Variants in XKR9 observed in about 807,000 individuals in gnomAD.
XKR9 encodes XK-related protein 9.
In XKR9, 32 loss-of-function variants were observed where a neutral mutation model predicts 32.0. That is an observed-to-expected ratio of 1.00 (90% confidence interval 0.76 to 1.34). The LOEUF (loss-of-function observed/expected upper bound fraction) is 1.34. Ranked by LOEUF, XKR9 falls within the 40% of genes most tolerant of loss-of-function variation. XKR9 has a pLI of 0.00. For synonymous variants in XKR9, 168 were observed against 143.4 expected, an observed-to-expected ratio of 1.17 and a Z score of -1.22; for missense variants, 546 against 429.7, an observed-to-expected ratio of 1.27 and a Z score of -2.39.
At chr8:70,803,560 C>T in the XKR9 span, among the ~76,000 whole-genome samples, 4 of 152,124 alleles carry the variant, frequency 2.6e-5, no homozygotes, top group South Asian at 2.1e-4. Flanking sequence ...ATTTCTCATC[C>T]GTGTGGGCTG....
intron 3 of XKR9, among the ~76,000 whole-genome samples, chr8:70,687,041 A>G (rs1819305321): frequency 6.6e-6 from 1 of 152,130 alleles, no homozygotes; most frequent in African/African-American, 2.4e-5. Context: ...ATGTTATCAA[A>G]TGCTAGAGCC....
the XKR9 span, among the ~76,000 whole-genome samples, chr8:71,064,440 A>C: frequency 6.6e-6 from 1 of 152,176 alleles, no homozygotes; most frequent in Non-Finnish European, 1.5e-5. Context: ...AATTTATATC[A>C]TTGTCAACAG....
chr8:71,044,145 T>C, the XKR9 span, among the ~76,000 whole-genome samples: 1 of 152,348 alleles, frequency 6.6e-6, no homozygotes, highest in Non-Finnish European at 1.5e-5. Flanking sequence ...AGGGGTAATT[T>C]ATTTGAAATC....
intron 3 of XKR9, among the ~76,000 whole-genome samples, chr8:70,703,800 A>G (rs554690625): frequency 2.4e-4 from 36 of 152,310 alleles, no homozygotes; most frequent in African/African-American, 8.4e-4. Flanking sequence ...AAATAAAAGA[A>G]GATATAGGGA....
the XKR9 span, among the ~76,000 whole-genome samples, chr8:71,000,806 T>C: frequency 6.6e-6 from 1 of 152,348 alleles, no homozygotes; most frequent in Non-Finnish European, 1.5e-5. Context: ...CGCAAGAAGA[T>C]GAGCCCTTGG....
chr8:70,860,972 T>C, the XKR9 span, among the ~76,000 whole-genome samples: 1 of 152,196 alleles, frequency 6.6e-6, no homozygotes, highest in Admixed American at 6.6e-5. Flanking sequence ...GTTACGCTTA[T>C]TATTACAAAA....
At chr8:70,706,864 T>C in intron 3 of XKR9, 69 bp from the exon 4 acceptor site, 2 of 1,265,298 alleles carry the variant, frequency 1.6e-6, no homozygotes, top group Non-Finnish European at 2.2e-6. Context: ...TTCCAAATTA[T>C]TATGTGTATT....
chr8:70,949,211 A>G, the XKR9 span, among the ~76,000 whole-genome samples: 3 of 152,150 alleles, frequency 2.0e-5, no homozygotes, highest in Non-Finnish European at 4.4e-5. Flanking sequence ...TTTTTAATGT[A>G]TTTTCATGCA....
chr8:70,754,562 C>G (rs1210802839), intron 2 of XKR9, among the ~76,000 whole-genome samples: 2 of 146,840 alleles, frequency 1.4e-5, no homozygotes, highest in Non-Finnish European at 3.0e-5. Context: ...GGTACCAAAA[C>G]AGATATAGAT....
chr8:71,019,818 T>G, the XKR9 span, among the ~76,000 whole-genome samples: 2 of 152,330 alleles, frequency 1.3e-5, no homozygotes, highest in Admixed American at 1.3e-4. Context: ...CTAAGTACTT[T>G]ACCTCCAGGG....
chr8:70,888,205 G>T, the XKR9 span, among the ~76,000 whole-genome samples: 11 of 151,766 alleles, frequency 7.2e-5, no homozygotes, highest in African/African-American at 2.7e-4. Flanking sequence ...GTGATGTTGA[G>T]CATTTTTTCA....
chr8:70,716,274 TAG>T (rs1422779791), intron 4 of XKR9, among the ~76,000 whole-genome samples: 1 of 152,160 alleles, frequency 6.6e-6, no homozygotes, highest in Non-Finnish European at 1.5e-5. Context: ...AAAGGAAATA[TAG>T]AGTGTTTTTT....
At chr8:71,049,543 A>C in the XKR9 span, among the ~76,000 whole-genome samples, 3 of 152,198 alleles carry the variant, frequency 2.0e-5, no homozygotes, top group Non-Finnish European at 4.4e-5. Flanking sequence ...ATGTGGTAAA[A>C]ATCAAGGGAC....
the XKR9 span, among the ~76,000 whole-genome samples, chr8:70,849,237 C>T: frequency 6.6e-6 from 1 of 151,430 alleles, no homozygotes; most frequent in Middle Eastern, 3.4e-3. Flanking sequence ...CAAAACAAAA[C>T]AAAAAACCAG....
At chr8:70,980,159 A>G in the XKR9 span, among the ~76,000 whole-genome samples, 2 of 152,240 alleles carry the variant, frequency 1.3e-5, no homozygotes, top group Admixed American at 6.5e-5. Flanking sequence ...TTCCTGGTAT[A>G]GTCTGCCATG....
rs1806812057 is a variant in XKR9, at chr8:70,734,813, T to G, written c.*389T>G. ...GAACACTGTATTATTTTTTCCTTTA[T>G]TGTCTTCAGTGCATATATTTGCAGT... is the stretch of plus-strand genomic sequence containing the variant. On this transcript the variant is annotated 3_prime_UTR_variant, in exon 5 of 5. Transcript: ENST00000408926. 1 of 154,968 alleles carries G rather than the reference T, an allele frequency of 6.5e-6. No individual in the cohort carries two copies. The highest frequency in any genetic ancestry group is 1.4e-5 in the Non-Finnish European group (1 of 70,266). 9.6% of individuals were successfully genotyped at this position (154,968 alleles called of 1,614,324 possible). A position where few individuals can be genotyped will look rare whatever the true frequency, so the allele number is the denominator to read the frequency against.
the XKR9 span, among the ~76,000 whole-genome samples, chr8:70,800,749 G>A: frequency 9.2e-5 from 14 of 152,150 alleles, no homozygotes; most frequent in East Asian, 3.8e-4. Context: ...GCCTCCCGAA[G>A]TGCTGGGATT....
At chr8:70,914,771 T>A in the XKR9 span, among the ~76,000 whole-genome samples, 1 of 152,216 alleles carries the variant, frequency 6.6e-6, no homozygotes, top group Admixed American at 6.5e-5. Context: ...ACTGCTTTTA[T>A]AACCAGTTTA....
At chr8:70,964,452 C>G in the XKR9 span, among the ~76,000 whole-genome samples, 1 of 152,070 alleles carries the variant, frequency 6.6e-6, no homozygotes, top group Non-Finnish European at 1.5e-5. Context: ...TATTTGGGCT[C>G]TATTTTGGTT....
Sources: allele counts gnomAD v4.1 joint callset (sites outside exome capture counted in the v4.1 genomes callset), GRCh38; gene constraint gnomAD v4.1.1; transcripts MANE v1.5; gene names NCBI Gene and HGNC (gene_info 2026-07-23, HGNC 2026-07-21).